SEZ6L: variants seen among roughly 807,000 people sequenced by gnomAD.
SEZ6L encodes the protein seizure 6-like protein.
Under a neutral mutation model 106.2 loss-of-function variants are expected in SEZ6L, and 37 were observed. The ratio of observed to expected loss-of-function variants is 0.35; its 90% CI spans 0.27 to 0.46. The LOEUF is 0.46. SEZ6L is among the 20% of genes least tolerant of loss of function. SEZ6L has a pLI of 1.00. For missense variants in SEZ6L, 1,172 were observed against 1,332.8 expected, an observed-to-expected ratio of 0.88 and a Z score of 1.88; for synonymous variants, 541 against 570.4, an observed-to-expected ratio of 0.95 and a Z score of 0.73.
chr22:26,251,324 C>T (rs920595525), intron 1 of SEZ6L, among the ~76,000 whole-genome samples: 9 of 120,762 alleles, frequency 7.5e-5, no homozygotes, highest in African/African-American at 2.8e-4. Flanking sequence ...CCTTTTATTC[C>T]TAATTTGTTG....
intron 11 of SEZ6L, among the ~76,000 whole-genome samples, chr22:26,348,609 A>AAG (rs1182051993): frequency 7.1e-5 from 3 of 42,034 alleles, no homozygotes; most frequent in Admixed American, 3.5e-4. Context: ...AGAAAGAAAG[A>AAG]GAAAAAGAAA....
At position 26,252,906 on chromosome 22, in the gene SEZ6L, A is replaced by G. The variant is rs185936168; in HGVS notation, c.95-39500A>G. On this transcript the variant is annotated intron_variant, in intron 1 of 16. Transcript: ENST00000248933. ...ATGCAAGTGCATGTGTCATTTTAGT[A>G]GAATGACTTATTTTCTTTTGGATAT... is the stretch of plus-strand genomic sequence containing the variant. Among the ~76,000 whole-genome samples, 187 of 152,368 alleles carry G rather than the reference A, an allele frequency of 1.2e-3. 1 individual carries two copies. Among genetic ancestry groups the G allele is most frequent in the African/African-American group, 3.8e-3 (159 of 41,596 alleles).
At chr22:26,222,683 C>T (rs575605595) in intron 1 of SEZ6L, among the ~76,000 whole-genome samples, 8 of 152,090 alleles carry the variant, frequency 5.3e-5, no homozygotes, top group South Asian at 2.1e-4. Context: ...CCGGGGGGAA[C>T]GCCCACATAC....
At chr22:26,209,991 G>GAGGGAGACAGGA (rs2078109222) in intron 1 of SEZ6L, among the ~76,000 whole-genome samples, 1 of 131,384 alleles carries the variant, frequency 7.6e-6, no homozygotes, top group African/African-American at 2.8e-5. Flanking sequence ...GGAAGGAAGG[G>GAGGGAGACAGGA]AGGAAGGAAG....
intron 12 of SEZ6L, chr22:26,365,079 G>A: frequency 3.7e-6 from 1 of 271,272 alleles, no homozygotes; most frequent in East Asian, 6.1e-5. Context: ...GGAAACTAAG[G>A]ATCAGAAAGG....
intron 1 of SEZ6L, among the ~76,000 whole-genome samples, chr22:26,285,760 A>G (rs565019665): frequency 1.3e-5 from 2 of 152,342 alleles, no homozygotes; most frequent in East Asian, 3.9e-4. Context: ...AGTTGGTTCT[A>G]TGCCTTCAAC....
intron 13 of SEZ6L, among the ~76,000 whole-genome samples, chr22:26,367,621 G>A (rs779609608): frequency 1.5e-4 from 23 of 152,036 alleles, no homozygotes; most frequent in African/African-American, 1.9e-4. Context: ...TGGGATTACC[G>A]CATCTGACCT....
At position 26,192,104 on chromosome 22, in the gene SEZ6L, C is replaced by T. The variant is rs572642682; in HGVS notation, c.94+22341C>T. Among the ~76,000 whole-genome samples the T allele has an allele frequency of 4.6e-5, 7 of 152,272 alleles. No homozygotes were observed. In the South Asian group the frequency reaches 1.5e-3, roughly 32 times the overall value. On this transcript the variant is annotated intron_variant, in intron 1 of 16. Transcript: ENST00000248933. ...CCCACCTCTTCATCCATCCAACCGT[C>T]CATTCATCCTTTCATCCATTCATCT... is the stretch of plus-strand genomic sequence containing the variant.
intron 6 of SEZ6L, among the ~76,000 whole-genome samples, chr22:26,307,503 T>A (rs1262097733): frequency 3.3e-5 from 5 of 151,402 alleles, no homozygotes; most frequent in African/African-American, 1.2e-4. Flanking sequence ...GACAACTGAA[T>A]AATTTTCCCA....
At chr22:26,191,625 T>C (rs531721311) in intron 1 of SEZ6L, among the ~76,000 whole-genome samples, 9 of 152,150 alleles carry the variant, frequency 5.9e-5, no homozygotes, top group African/African-American at 2.2e-4. Flanking sequence ...TCAGGAAGAA[T>C]AGTTAATGAA....
At chr22:26,268,925 G>A (rs566499709) in intron 1 of SEZ6L, among the ~76,000 whole-genome samples, 13 of 152,296 alleles carry the variant, frequency 8.5e-5, no homozygotes, top group Admixed American at 1.3e-4. Context: ...CAACGTGAGG[G>A]CTTTTGCCCA....
At chr22:26,278,872 A>AAAGAAAG (rs1569439741) in intron 1 of SEZ6L, among the ~76,000 whole-genome samples, 1 of 146,872 alleles carries the variant, frequency 6.8e-6, no homozygotes, top group Non-Finnish European at 1.5e-5. Flanking sequence ...AAGAAAGAGA[A>AAAGAAAG]AGAAAGAAAA....
chr22:26,354,962 C>T (rs376036847), intron 12 of SEZ6L, among the ~76,000 whole-genome samples: 91 of 152,332 alleles, frequency 6.0e-4, no homozygotes, highest in African/African-American at 1.8e-3. Flanking sequence ...GCGGGTGAGG[C>T]TGATGGGAGA....
At chr22:26,209,449 G>A (rs1416981640) in intron 1 of SEZ6L, among the ~76,000 whole-genome samples, 3 of 142,592 alleles carry the variant, frequency 2.1e-5, no homozygotes, top group Non-Finnish European at 3.0e-5. Flanking sequence ...AAAAGGAGAG[G>A]GAAGGAAGGA....
At chr22:26,348,589 AAAG>A (rs1363635846) in intron 11 of SEZ6L, among the ~76,000 whole-genome samples, 1 of 74,970 alleles carries the variant, frequency 1.3e-5, no homozygotes, top group Non-Finnish European at 2.2e-5. Context: ...AAAGAAAGAG[AAAG>A]AAAGAAAGAA....
chr22:26,382,099 C>T lies in SEZ6L; in HGVS notation c.*1804C>T, dbSNP rs2084427095. Reference sequence around the variant, plus strand: ...CCTTCTGCCAGAAAAGAATCTTGCACATATACTCCTGAAGGCATGAGTGTG... The same window carrying T: ...CCTTCTGCCAGAAAAGAATCTTGCATATATACTCCTGAAGGCATGAGTGTG... On this transcript the variant is annotated 3_prime_UTR_variant, in exon 17 of 17. Coordinates refer to ENST00000248933, the MANE Select transcript of SEZ6L (RefSeq NM_021115.5). 3 of 513,706 alleles carry T rather than the reference C, an allele frequency of 5.8e-6. No individual in the cohort carries two copies. In the Admixed American group the frequency reaches 5.9e-5, roughly 10 times the overall value. The allele number at this position is 513,706 out of a possible 1,614,324, so 31.8% of individuals were successfully genotyped here. A position where few individuals can be genotyped will look rare whatever the true frequency, so the allele number is the denominator to read the frequency against.
At chr22:26,348,953 AAGAG>A (rs1365784693) in intron 11 of SEZ6L, among the ~76,000 whole-genome samples, 3 of 143,268 alleles carry the variant, frequency 2.1e-5, no homozygotes, top group South Asian at 2.5e-4. Flanking sequence ...GGGAAGGAAA[AAGAG>A]AGAAGGGAGA....
rs137965826 is a variant in SEZ6L at position 26,174,043 on chromosome 22, G to T, written c.94+4280G>T. The stretch of plus-strand genomic sequence containing the variant: ...GCGGTAGACCTTGTTTTGGGTGCTG[G>T]AGTACTATAATATGATAAGGCTCCT... On this transcript the variant is annotated intron_variant, in intron 1 of 16. Coordinates refer to ENST00000248933, the MANE Select transcript of SEZ6L (RefSeq NM_021115.5). Among the ~76,000 whole-genome samples, 252 of 152,276 alleles carry T rather than the reference G, an allele frequency of 1.7e-3. 2 individuals are homozygous for T. Among genetic ancestry groups the T allele is most frequent in the Non-Finnish European group, 2.9e-3 (197 of 68,022 alleles).
At chr22:26,181,528 G>GT (rs1569358110) in intron 1 of SEZ6L, among the ~76,000 whole-genome samples, 1 of 152,194 alleles carries the variant, frequency 6.6e-6, no homozygotes, top group Non-Finnish European at 1.5e-5. Flanking sequence ...TTCAGTTGGG[G>GT]TTAAAAACAA....
Sources: gnomAD v4.1 joint callset for allele counts (sites outside exome capture counted in the v4.1 genomes callset) on GRCh38, gnomAD v4.1.1 for gene constraint, MANE v1.5 for transcripts, NCBI Gene and HGNC (gene_info 2026-07-23, HGNC 2026-07-21) for gene names.